The following CACNA1G variants were observed in gnomAD, a reference collection of about 807,000 sequenced individuals.
CACNA1G encodes the protein voltage-dependent T-type calcium channel subunit alpha-1G.
Under a neutral mutation model 219.4 loss-of-function variants are expected in CACNA1G, and 67 were observed. The observed-to-expected ratio is 0.31, with a 90% CI of 0.25 to 0.37. The LOEUF is 0.37. CACNA1G is among the 10% of genes least tolerant of loss of function. The probability of loss-of-function intolerance (pLI) is 1.00; values close to 1 mark genes in which losing one functional copy is unlikely to be tolerated. For missense variants in CACNA1G, 2,380 were observed against 3,231.4 expected, an observed-to-expected ratio of 0.74 and a Z score of 6.39; for synonymous variants, 1,296 against 1,345.3, an observed-to-expected ratio of 0.96 and a Z score of 0.80.
chr17:50,618,116 T>G lies in CACNA1G; in HGVS notation c.5295T>G (p.Phe1765Leu). Residue 1765 changes from phenylalanine (F) to leucine (L), a missense_variant, in exon 31 of 38, where the codon TTT (phenylalanine) becomes TTG (leucine). Phe to Leu is a conservative substitution (Grantham distance 22). Transcript: ENST00000359106. The surrounding 1 kb of genome is among the most constrained non-coding windows in gnomAD (Gnocchi z 5.3). ...FIFAALGVEL[F>L]GDLECDETHP... ...TTGCAGCTCTGGGCGTGGAGCTCTT[T>G]GGAGACCTGGGTGAGTTGGGGTAGG... 1 of 1,613,896 alleles carries G rather than the reference T, an allele frequency of 6.2e-7. No homozygotes were observed. The highest frequency in any genetic ancestry group is 8.5e-7 in the Non-Finnish European group (1 of 1,179,854).
intron 16 of CACNA1G, among the ~76,000 whole-genome samples, chr17:50,597,324 A>G (rs1002204073): frequency 3.9e-5 from 6 of 152,180 alleles, no homozygotes; most frequent in Admixed American, 6.5e-5. Context: ...TTCTAAATGC[A>G]TTTAATCCTC....
intron 10 of CACNA1G, 130 bp downstream of exon 10, chr17:50,590,752 C>A: frequency 1.3e-6 from 1 of 751,060 alleles, no homozygotes; most frequent in Non-Finnish European, 2.2e-6. Context: ...CCCCACAGGA[C>A]CTGCCACTCC....
rs755422640 is a variant in CACNA1G, at chr17:50,615,330, G to T, written c.4760-31G>T. Reference sequence around the variant, plus strand: ...GGGGTGCGGGGGGCAGGGGCCTGACGCTTGCTCTGCTCTTCCCCCTGCCCC... The same window carrying T: ...GGGGTGCGGGGGGCAGGGGCCTGACTCTTGCTCTGCTCTTCCCCCTGCCCC... On this transcript the variant is annotated intron_variant, in intron 26 of 37. Coordinates refer to ENST00000359106, the MANE Select transcript of CACNA1G (RefSeq NM_018896.5). 4.5e-6 allele frequency: 7 copies of T among 1,544,744 alleles called. No individual in the cohort carries two copies. The East Asian group carries it at 1.6e-4, about 36-fold the overall frequency.
At chr17:50,614,452 A>C (rs1431731535) in intron 26 of CACNA1G, among the ~76,000 whole-genome samples, 4 of 152,202 alleles carry the variant, frequency 2.6e-5, no homozygotes, top group Non-Finnish European at 5.9e-5. Flanking sequence ...ATGTGCCCCA[A>C]GTTGGCCTGG....
chr17:50,562,171 G>C (rs1031431972), intron 1 of CACNA1G: 1 of 153,438 alleles, frequency 6.5e-6, no homozygotes, highest in African/African-American at 2.4e-5. Flanking sequence ...GACGGAGGAG[G>C]GGGGACCGCA....
At position 50,623,769 on chromosome 17, in the gene CACNA1G, ATCTCTACCT is replaced by A. The variant is rs1294086312; in HGVS notation, c.6061-136_6061-128del. ...CCTCTCCCCAGCCATGCTCATGCCC[ATCTCTACCT>A]TGTCCTGGGAGGGCACGGGGGTGAG... On this transcript the variant is annotated intron_variant, in intron 35 of 37. Transcript: ENST00000359106. The A allele has an allele frequency of 4.9e-6, 4 of 821,608 alleles. No homozygotes were observed. In the East Asian group the frequency reaches 8.1e-5, roughly 17 times the overall value. The allele number at this position is 821,608 out of a possible 1,614,324, so 50.9% of individuals were successfully genotyped here.
Position 50,618,516 on chromosome 17 carries a change from C to A in CACNA1G, c.5428-139C>A. 2.9e-6 allele frequency: 3 copies of A among 1,048,758 alleles called. No individual in the cohort carries two copies. The highest frequency in any genetic ancestry group is 1.5e-5 in the South Asian group (1 of 67,844). The allele number at this position is 1,048,758 out of a possible 1,614,324, so 65.0% of individuals were successfully genotyped here. ...CATGCTCTGACTCACACTTGTAGTG[C>A]TCCTCTGCCCCCAAACACTCCCTCC... On this transcript the variant is annotated intron_variant, in intron 32 of 37. Transcript: ENST00000359106. This position sits in a 1 kb window ranked among gnomAD's most constrained non-coding sequence, Gnocchi z 5.3.
chr17:50,618,553 CT>C lies in CACNA1G; in HGVS notation c.5428-100del. 9.3e-7 allele frequency: 1 copy of C among 1,070,030 alleles called. No homozygotes were observed. The highest frequency in any genetic ancestry group is 1.5e-5 in the South Asian group (1 of 67,884). The allele number at this position is 1,070,030 out of a possible 1,614,324, so 66.3% of individuals were successfully genotyped here. On this transcript the variant is annotated intron_variant, in intron 32 of 37. Coordinates refer to ENST00000359106, the MANE Select transcript of CACNA1G (RefSeq NM_018896.5). This position sits in a 1 kb window ranked among gnomAD's most constrained non-coding sequence, Gnocchi z 5.3. ...CAAACACTCCCTCCTCCTCCCCTTCCTTCCCATCCTCCAATGCTCTGTGACA... is the reference window on the plus strand; with the variant it reads ...CAAACACTCCCTCCTCCTCCCCTTCCTCCCATCCTCCAATGCTCTGTGACA...
chr17:50,615,600 C>T, intron 27 of CACNA1G, 88 bp downstream of exon 27: 1 of 1,458,728 alleles, frequency 6.9e-7, no homozygotes, highest in African/African-American at 1.4e-5. Flanking sequence ...GCCAGGGTAC[C>T]TCTGTGCCAA....
At chr17:50,569,639 A>G in intron 3 of CACNA1G, 67 bp from the exon 4 acceptor site, 3 of 1,119,058 alleles carry the variant, frequency 2.7e-6, no homozygotes, top group Non-Finnish European at 3.9e-6. Context: ...AGGATTCCTC[A>G]TTGACCTCTT....
At chr17:50,598,409 A>T (rs4793663) in intron 16 of CACNA1G, among the ~76,000 whole-genome samples, 94,661 of 152,234 alleles carry the variant, frequency 0.62, 31,301 homozygotes, top group East Asian at 0.9. Flanking sequence ...TGCTGAAATG[A>T]AGATGGGAAT....
chr17:50,576,417 C>T (rs1343288652), intron 8 of CACNA1G, 91 bp downstream of exon 8: 2 of 1,263,320 alleles, frequency 1.6e-6, no homozygotes, highest in Non-Finnish European at 2.3e-6. Flanking sequence ...GTCAGAGGGA[C>T]CAGGGCTTAT....
At chr17:50,604,133 C>G (rs371847401) in intron 21 of CACNA1G, 22 bp from the exon 22 acceptor site, 1 of 1,606,924 alleles carries the variant, frequency 6.2e-7, no homozygotes, top group African/African-American at 1.3e-5. Context: ...AGCCTTATCA[C>G]CTCCCTCCCT....
rs1391534968 is a variant in CACNA1G at position 50,617,963 on chromosome 17, G to A, written c.5226+34G>A. The A allele has an allele frequency of 1.2e-6, 2 of 1,612,662 alleles. No homozygotes were observed. The highest frequency in any genetic ancestry group is 2.2e-5 in the East Asian group (1 of 44,900). On this transcript the variant is annotated intron_variant, in intron 30 of 37. Transcript: ENST00000359106. This position sits in a 1 kb window ranked among gnomAD's most constrained non-coding sequence, Gnocchi z 5.8. ...GAGGTGGGGGGCCTCTGGGGAGGGG[G>A]AGGTGCTTTCCAGAGGGAAGGGGCT...
rs1323571973 is a variant in CACNA1G, at chr17:50,604,405, C to T, written c.4296+124C>T. 50 of 1,246,230 alleles carry T rather than the reference C, an allele frequency of 4.0e-5. No individual in the cohort carries two copies. The Middle Eastern group carries it at 6.0e-4, about 15-fold the overall frequency. 77.2% of individuals were successfully genotyped at this position (1,246,230 alleles called of 1,614,324 possible). Reference sequence around the variant, plus strand: ...CATTCCAGAAAGGAATAAGCAGGGACGCTTCCCTCCAGGCTCTAGGCCCTT... The same window carrying T: ...CATTCCAGAAAGGAATAAGCAGGGATGCTTCCCTCCAGGCTCTAGGCCCTT... On this transcript the variant is annotated intron_variant, in intron 22 of 37. Transcript: ENST00000359106.
intron 9 of CACNA1G, among the ~76,000 whole-genome samples, chr17:50,580,163 T>G (rs976861735): frequency 2.6e-5 from 4 of 152,006 alleles, no homozygotes; most frequent in Non-Finnish European, 4.4e-5. Flanking sequence ...GACACCACGG[T>G]GGGCATGTTG....
At chr17:50,586,893 G>A (rs931342731) in intron 9 of CACNA1G, among the ~76,000 whole-genome samples, 4 of 152,344 alleles carry the variant, frequency 2.6e-5, no homozygotes, top group African/African-American at 9.6e-5. Context: ...GGAGGGGAGT[G>A]GAGGTGTTAG....
intron 19 of CACNA1G, 91 bp downstream of exon 19, chr17:50,601,265 T>G (rs2145799764): frequency 6.7e-7 from 1 of 1,495,518 alleles, no homozygotes; most frequent in South Asian, 1.2e-5. Context: ...GTTGCTGACC[T>G]GCAAGTCACA....
At chr17:50,604,022 G>C in intron 21 of CACNA1G, 133 bp from the exon 22 acceptor site, 2 of 838,710 alleles carry the variant, frequency 2.4e-6, no homozygotes, top group Non-Finnish European at 3.4e-6. Flanking sequence ...CCCATGAAAA[G>C]AGGACTTGTG....
Sources: gnomAD v4.1 joint callset for allele counts (sites outside exome capture counted in the v4.1 genomes callset) on GRCh38, gnomAD v4.1.1 for gene constraint, Gnocchi (gnomAD v3.1) non-coding constraint, MANE v1.5 for transcripts, NCBI Gene and HGNC (gene_info 2026-07-23, HGNC 2026-07-21) for gene names.